LY75: variants seen among roughly 807,000 people sequenced by gnomAD.
LY75 encodes the protein C-type lectin domain family 13 member B.
LY75 carries 185 observed loss-of-function variants against 231.7 expected under a neutral mutation model. That is an observed-to-expected ratio of 0.80 (90% CI 0.71 to 0.90). The LOEUF (loss-of-function observed/expected upper bound fraction) is 0.90, where lower values mean the gene tolerates loss of function less well. LY75 is among the 40% of genes least tolerant of loss of function. The pLI, the probability that LY75 is intolerant of heterozygous loss-of-function variation, is 0.00. For missense variants in LY75, 1,947 were observed against 2,050.2 expected (o/e 0.95, Z 0.97); for synonymous variants, 668 against 689.0 (o/e 0.97, Z 0.48).
At chr2:159,848,818 A>C (rs1178410312) in intron 23 of LY75, among the ~76,000 whole-genome samples, 1 of 152,212 alleles carries the variant, frequency 6.6e-6, no homozygotes, top group East Asian at 1.9e-4. Flanking sequence ...GAAATAGAAC[A>C]GAATAGGAGA....
At chr2:159,868,867 GCCATTAAGTTGC>G (rs1399617864) in intron 13 of LY75, among the ~76,000 whole-genome samples, 2 of 152,200 alleles carry the variant, frequency 1.3e-5, no homozygotes, top group East Asian at 3.9e-4. Flanking sequence ...AAATCTAAGG[GCCATTAAGTTGC>G]CCTGCTTGAA....
chr2:159,843,029 G>T (rs989658044), intron 23 of LY75, among the ~76,000 whole-genome samples: 1 of 151,746 alleles, frequency 6.6e-6, no homozygotes, highest in African/African-American at 2.4e-5. Context: ...AATAAAATGA[G>T]AAATGTCAAA....
At chr2:159,897,881 G>A (rs1039355872) in intron 2 of LY75, among the ~76,000 whole-genome samples, 10 of 152,104 alleles carry the variant, frequency 6.6e-5, no homozygotes, top group African/African-American at 1.9e-4. Context: ...CCAGTCCCTA[G>A]ACTCAGGGCT....
intron 23 of LY75, 51 bp downstream of exon 23, chr2:159,849,929 C>T (rs766969230): frequency 3.2e-6 from 5 of 1,572,978 alleles, no homozygotes; most frequent in Non-Finnish European, 4.3e-6. Context: ...GTATGAAAGA[C>T]TCAAGTATTT....
intron 28 of LY75, among the ~76,000 whole-genome samples, chr2:159,828,432 A>G (rs1683546319): frequency 6.6e-6 from 1 of 152,158 alleles, no homozygotes; most frequent in Admixed American, 6.5e-5. Flanking sequence ...CATTAGGGAA[A>G]TGAAATAAAA....
At chr2:159,870,090 A>G (rs754997448) in intron 13 of LY75, among the ~76,000 whole-genome samples, 9 of 152,186 alleles carry the variant, frequency 5.9e-5, no homozygotes, top group Non-Finnish European at 1.2e-4. Flanking sequence ...CATATTTTGC[A>G]TTAGATTCCC....
In LY75 at chr2:159,852,218, T is replaced by A. The variant is rs1684419369; in HGVS notation, c.2866A>T (p.Ile956Phe). 1 of 1,613,424 alleles carries A rather than the reference T, an allele frequency of 6.2e-7. No homozygotes were observed. The highest frequency in any genetic ancestry group is 8.5e-7 in the Non-Finnish European group (1 of 1,179,736). The change falls in exon 21 of 35, where the codon ATT (isoleucine) becomes TTT (phenylalanine). Residue 956 changes from isoleucine to phenylalanine, a missense_variant. Transcript: ENST00000263636. ...CTTTTTACCTTATTCTGAAAAGGAATCCATTGCTCAGAACATTGCACTTTA... is the reference window on the plus strand; with the variant it reads ...CTTTTTACCTTATTCTGAAAAGGAAACCATTGCTCAGAACATTGCACTTTA... ...AAKVQCSEQW[I>F]PFQNKCFLKI...
intron 20 of LY75, among the ~76,000 whole-genome samples, chr2:159,852,606 A>C (rs1393145591): frequency 1.3e-5 from 2 of 151,810 alleles, no homozygotes; most frequent in Non-Finnish European, 2.9e-5. Flanking sequence ...TTTAGTAGAG[A>C]CAGGGATTCA....
chr2:159,850,605 A>T, intron 21 of LY75, 138 bp from the exon 22 acceptor site: 1 of 1,067,500 alleles, frequency 9.4e-7, no homozygotes, highest in Non-Finnish European at 1.3e-6. Flanking sequence ...GTACCATAAG[A>T]ATTCAAGTTT....
At position 159,821,108 on chromosome 2, in the gene LY75, G is replaced by A. The variant is rs1683272717; in HGVS notation, c.3959-1188C>T. ...CCGCCTTGGCCTCCCAAATTGCTGCGATTATAGGCATGAGCCACCGTGCCT... is the reference window on the plus strand; with the variant it reads ...CCGCCTTGGCCTCCCAAATTGCTGCAATTATAGGCATGAGCCACCGTGCCT... On this transcript the variant is annotated intron_variant, in intron 28 of 34. Transcript: ENST00000263636. Among the ~76,000 whole-genome samples the A allele has an allele frequency of 2.0e-5, 3 of 151,970 alleles. No homozygotes were observed. In the South Asian group the frequency reaches 6.2e-4, roughly 32 times the overall value.
At chr2:159,845,872 A>T (rs750245707) in intron 23 of LY75, among the ~76,000 whole-genome samples, 44 of 88,066 alleles carry the variant, frequency 5.0e-4, no homozygotes, top group Admixed American at 1.9e-3. Flanking sequence ...AAAATACAGT[A>T]TATATATATA....
chr2:159,858,548 C>T, intron 15 of LY75, 72 bp from the exon 16 acceptor site: 1 of 1,476,264 alleles, frequency 6.8e-7, no homozygotes, highest in Non-Finnish European at 9.0e-7. Context: ...ACTGTAAGCC[C>T]TATGACTTTG....
At chr2:159,807,541 G>T in intron 33 of LY75, 1 of 750,920 alleles carries the variant, frequency 1.3e-6, no homozygotes, top group Non-Finnish European at 1.6e-6. Context: ...TTAAAGATAT[G>T]CTGGTGGAAG....
chr2:159,860,252 C>T (rs1218258789), intron 15 of LY75, among the ~76,000 whole-genome samples: 1 of 152,152 alleles, frequency 6.6e-6, no homozygotes, highest in African/African-American at 2.4e-5. Context: ...GTTCATGTGA[C>T]CCTCCCTACT....
rs1048378170 is a variant in LY75 at position 159,882,526 on chromosome 2, T to G, written c.1055-211A>C. 2.0e-5 allele frequency among the ~76,000 whole-genome samples: 3 copies of G among 152,228 alleles called. 1 individual carries two copies. Among genetic ancestry groups the G allele is most frequent in the Non-Finnish European group, 4.4e-5 (3 of 68,036 alleles). On this transcript the variant is annotated intron_variant, in intron 6 of 34. Transcript: ENST00000263636. ...ATTCCCGCTGGGATTCAGAAAATGA[T>G]GTGACTTTAACATGCTTCAATGTGC...
At chr2:159,863,828 T>C (rs1391405428) in intron 14 of LY75, among the ~76,000 whole-genome samples, 2 of 152,214 alleles carry the variant, frequency 1.3e-5, no homozygotes, top group Non-Finnish European at 1.5e-5. Context: ...ATTCAGATCA[T>C]GGCTAGAAAG....
chr2:159,816,660 G>A, intron 30 of LY75, 146 bp downstream of exon 30: 1 of 1,241,544 alleles, frequency 8.1e-7, no homozygotes, highest in Non-Finnish European at 1.1e-6. Flanking sequence ...GTTCTGTGTT[G>A]TAAAAGGTAA....
intron 6 of LY75, among the ~76,000 whole-genome samples, chr2:159,883,307 G>A (rs967146669): frequency 8.6e-5 from 13 of 151,332 alleles, no homozygotes; most frequent in African/African-American, 3.2e-4. Flanking sequence ...AAAAAAATGT[G>A]GACAGTTTGT....
intron 31 of LY75, among the ~76,000 whole-genome samples, chr2:159,815,014 T>A (rs1377162793): frequency 6.7e-6 from 1 of 149,880 alleles, no homozygotes; most frequent in Non-Finnish European, 1.5e-5. Flanking sequence ...TTTTTTTTTT[T>A]TTTTGAGACG....
Sources: allele counts gnomAD v4.1 joint callset (sites outside exome capture counted in the v4.1 genomes callset), GRCh38; gene constraint gnomAD v4.1.1; transcripts MANE v1.5; gene names NCBI Gene and HGNC (gene_info 2026-07-23, HGNC 2026-07-21).